Variants in KAZN observed in about 807,000 individuals in gnomAD.
The protein encoded by KAZN is kazrin.
In KAZN, 40 loss-of-function variants were observed where a neutral mutation model predicts 87.4. The ratio of observed to expected loss-of-function variants is 0.46; its 90% CI spans 0.36 to 0.60. KAZN has a LOEUF of 0.60. Ranked by LOEUF, KAZN falls within the 20% of genes least tolerant of loss-of-function variation. The probability of loss-of-function intolerance (pLI) is 0.00; values close to 1 mark genes in which losing one functional copy is unlikely to be tolerated. For synonymous variants in KAZN, 466 were observed against 458.3 expected, an observed-to-expected ratio of 1.02 and a Z score of -0.22; for missense variants, 898 against 1,073.9, an observed-to-expected ratio of 0.84 and a Z score of 2.29.
At chr1:14,053,581 G>A (rs965763056) in intron 1 of KAZN, among the ~76,000 whole-genome samples, 1 of 152,194 alleles carries the variant, frequency 6.6e-6, no homozygotes, top group African/African-American at 2.4e-5. Context: ...GGGATCAGAA[G>A]GCTCCAAGTT....
intron 1 of KAZN, among the ~76,000 whole-genome samples, chr1:14,657,535 A>C (rs1227975814): frequency 6.6e-6 from 1 of 151,980 alleles, no homozygotes; most frequent in Non-Finnish European, 1.5e-5. Flanking sequence ...CTTAAGTACT[A>C]CCCCACTTGG....
At position 14,270,305 on chromosome 1, in the gene KAZN, A is replaced by G. The variant is rs1651820316; in HGVS notation, c.249+89713A>G. Among the ~76,000 whole-genome samples, 2 of 152,228 alleles carry G rather than the reference A, an allele frequency of 1.3e-5. 1 individual carries two copies. The highest frequency in any genetic ancestry group is 4.1e-4 in the South Asian group (2 of 4,824). ...TGTGTGAGAAAATGGAGGAAAGGAC[A>G]TCTCCAAGGAAAAGTAGGATGTGTT... On this transcript the variant is annotated intron_variant, in intron 2 of 16. Transcript: ENST00000636203.
At chr1:14,948,135 G>T (rs1407859237) in intron 1 of KAZN, among the ~76,000 whole-genome samples, 1 of 152,176 alleles carries the variant, frequency 6.6e-6, no homozygotes, top group Non-Finnish European at 1.5e-5. Flanking sequence ...CCAGAAAACT[G>T]TCTCTGACAA....
At chr1:14,637,791 A>G (rs1172742583) in intron 1 of KAZN, among the ~76,000 whole-genome samples, 2 of 152,120 alleles carry the variant, frequency 1.3e-5, no homozygotes, top group Non-Finnish European at 2.9e-5. Context: ...GTGTGTGCAT[A>G]TTTTATCATT....
intron 10 of KAZN, among the ~76,000 whole-genome samples, chr1:15,101,053 C>A (rs921389523): frequency 2.6e-5 from 4 of 152,188 alleles, no homozygotes; most frequent in African/African-American, 9.6e-5. Flanking sequence ...CCCTTCTGCT[C>A]CCCGCCCCTG....
At chr1:14,548,301 C>A (rs752834831) in intron 2 of KAZN, among the ~76,000 whole-genome samples, 4 of 150,774 alleles carry the variant, frequency 2.7e-5, no homozygotes, top group Admixed American at 6.6e-5. Context: ...TGGGTTCAGG[C>A]GATTCTCCTG....
At chr1:14,188,643 C>T (rs752530312) in intron 2 of KAZN, among the ~76,000 whole-genome samples, 2 of 152,032 alleles carry the variant, frequency 1.3e-5, no homozygotes, top group South Asian at 2.1e-4. Context: ...AGTAACTTAC[C>T]GGAAGAGCAG....
At position 15,114,549 on chromosome 1, in the gene KAZN, G is replaced by GAAGATTGC; in HGVS notation, c.2243_2250dup (p.Gly751LysfsTer39). 1 of 1,609,850 alleles carries GAAGATTGC rather than the reference G, an allele frequency of 6.2e-7. No homozygotes were observed. Among genetic ancestry groups the GAAGATTGC allele is most frequent in the Non-Finnish European group, 8.5e-7 (1 of 1,178,070 alleles). On this transcript the variant is annotated frameshift_variant, in exon 15 of 15. Coordinates refer to ENST00000376030, the MANE Select transcript of KAZN (RefSeq NM_201628.3). LOFTEE classifies it high-confidence loss of function. ...TGATGACTATGGCTCTCTTCAAAAC[G>GAAGATTGC]AAGATTGCGGAGACGATGACCCCCA...
In KAZN at chr1:14,345,219, A is replaced by AT. The variant is rs141328495; in HGVS notation, c.249+164628dup. ...AGGCATGAGCCACCACGCCAGGCCC[A>AT]TCCCCTCTTCTAAATCCTTGTTATC... On this transcript the variant is annotated intron_variant, in intron 2 of 16. Transcript: ENST00000636203. 6.6e-3 allele frequency among the ~76,000 whole-genome samples: 1,009 copies of AT among 152,274 alleles called. 11 individuals carry two copies. Among genetic ancestry groups the AT allele is most frequent in the African/African-American group, 0.023 (960 of 41,560 alleles).
intron 1 of KAZN, among the ~76,000 whole-genome samples, chr1:14,871,813 C>T (rs976214861): frequency 6.6e-6 from 1 of 151,996 alleles, no homozygotes; most frequent in Non-Finnish European, 1.5e-5. Context: ...CCCTTGGAAT[C>T]AGAGTGGGGT....
At chr1:14,536,721 A>C (rs755515609) in intron 2 of KAZN, among the ~76,000 whole-genome samples, 7 of 152,122 alleles carry the variant, frequency 4.6e-5, no homozygotes, top group Non-Finnish European at 1.0e-4. Context: ...GTCTCTACTA[A>C]AAATACAAAA....
intron 2 of KAZN, among the ~76,000 whole-genome samples, chr1:14,295,394 C>T (rs1325324875): frequency 1.3e-5 from 2 of 152,182 alleles, no homozygotes; most frequent in African/African-American, 4.8e-5. Flanking sequence ...CCAGCTTCTC[C>T]CTCTCATGCA....
chr1:14,386,642 C>G (rs1253865655), intron 2 of KAZN, among the ~76,000 whole-genome samples: 6 of 152,078 alleles, frequency 3.9e-5, no homozygotes, highest in African/African-American at 1.2e-4. Context: ...AATATTGGCC[C>G]CCACTCTCTT....
At chr1:14,151,022 A>T (rs529075317) in intron 1 of KAZN, among the ~76,000 whole-genome samples, 1 of 152,218 alleles carries the variant, frequency 6.6e-6, no homozygotes, top group African/African-American at 2.4e-5. Flanking sequence ...GAATGTACCT[A>T]CATTATAAAA....
At chr1:14,495,300 A>G (rs1669878410) in intron 2 of KAZN, among the ~76,000 whole-genome samples, 1 of 152,206 alleles carries the variant, frequency 6.6e-6, no homozygotes, top group Non-Finnish European at 1.5e-5. Flanking sequence ...AAATCCTGTG[A>G]CAGTAATCAT....
chr1:13,929,161 C>G (rs1640405859), intron 1 of KAZN, among the ~76,000 whole-genome samples: 1 of 148,730 alleles, frequency 6.7e-6, no homozygotes, highest in South Asian at 2.2e-4. Context: ...CTCAGGCAAT[C>G]TTTCCACCTC....
At chr1:14,417,761 C>G (rs1323985938) in intron 2 of KAZN, among the ~76,000 whole-genome samples, 1 of 151,842 alleles carries the variant, frequency 6.6e-6, no homozygotes, top group African/African-American at 2.4e-5. Flanking sequence ...CTTTGGGAGG[C>G]CAAAGCAGGC....
intron 1 of KAZN, among the ~76,000 whole-genome samples, chr1:14,030,621 G>A (rs1641281985): frequency 1.4e-5 from 2 of 140,336 alleles, no homozygotes; most frequent in African/African-American, 2.7e-5. Flanking sequence ...GAAAAAATTG[G>A]CAATGTACAC....
chr1:14,162,555 T>C (rs1478152227), intron 1 of KAZN, among the ~76,000 whole-genome samples: 3 of 142,992 alleles, frequency 2.1e-5, no homozygotes, highest in African/African-American at 8.9e-5. Flanking sequence ...TTCTTTTTTT[T>C]TTTTTTTGAG....
Sources: gnomAD v4.1 joint callset for allele counts (sites outside exome capture counted in the v4.1 genomes callset) on GRCh38, gnomAD v4.1.1 for gene constraint, MANE v1.5 for transcripts, NCBI Gene and HGNC (gene_info 2026-07-23, HGNC 2026-07-21) for gene names.